Variants in LSAMP observed in about 807,000 individuals in gnomAD.
The protein encoded by LSAMP is limbic system associated membrane protein, also known as limbic system-associated membrane protein.
LSAMP carries 7 observed loss-of-function variants against 38.6 expected under a neutral mutation model. That is an observed-to-expected ratio of 0.18 (90% CI 0.10 to 0.34). The LOEUF is 0.34. Among genes scored for constraint, LSAMP ranks in the 10% least tolerant of loss-of-function variants. The pLI is 1.00. For synonymous variants in LSAMP, 154 were observed against 166.8 expected, an observed-to-expected ratio of 0.92 and a Z score of 0.59; for missense variants, 313 against 420.0, an observed-to-expected ratio of 0.75 and a Z score of 2.23.
chr3:116,376,358 A>G (rs1310802451), intron 1 of LSAMP, among the ~76,000 whole-genome samples: 1 of 152,044 alleles, frequency 6.6e-6, no homozygotes, highest in African/African-American at 2.4e-5. Context: ...CCTTCTTATT[A>G]CAATAACAAA....
chr3:115,955,223 C>A (rs1337996769), intron 3 of LSAMP, among the ~76,000 whole-genome samples: 1 of 152,252 alleles, frequency 6.6e-6, no homozygotes, highest in East Asian at 1.9e-4. Flanking sequence ...CGTGAGCCAC[C>A]GCGCCTGGCC....
Position 116,047,811 on chromosome 3 carries a change from G to A in LSAMP, c.389-28171C>T, listed in dbSNP as rs115767996. Among the ~76,000 whole-genome samples, 60 of 152,154 alleles carry A rather than the reference G, an allele frequency of 3.9e-4. 1 individual carries two copies. Among genetic ancestry groups the A allele is most frequent in the Non-Finnish European group, 6.5e-4 (44 of 68,002 alleles). ...ATGTATCATGTACAATGGATGTTTC[G>A]AAGTATATGTACATTGTCAAATAGT... On this transcript the variant is annotated intron_variant, in intron 2 of 6. Transcript: ENST00000490035.
chr3:116,315,456 G>GA (rs531687610), intron 1 of LSAMP, among the ~76,000 whole-genome samples: 2 of 149,970 alleles, frequency 1.3e-5, no homozygotes, highest in African/African-American at 4.9e-5. Context: ...GAGTTAAATG[G>GA]AAAAAAAAAG....
intron 1 of LSAMP, among the ~76,000 whole-genome samples, chr3:116,437,003 ATATGTG>A (rs2049360262): frequency 6.7e-6 from 1 of 149,080 alleles, no homozygotes; most frequent in South Asian, 2.1e-4. Flanking sequence ...GCATATATAT[ATATGTG>A]TATATATATG....
At chr3:115,944,832 C>T (rs1212882885) in intron 3 of LSAMP, among the ~76,000 whole-genome samples, 2 of 152,150 alleles carry the variant, frequency 1.3e-5, no homozygotes, top group Non-Finnish European at 2.9e-5. Context: ...GGTATAGCGC[C>T]TCTCTCCAGT....
chr3:116,040,191 T>C (rs76972266), intron 2 of LSAMP, among the ~76,000 whole-genome samples: 1 of 152,328 alleles, frequency 6.6e-6, no homozygotes, highest in African/African-American at 2.4e-5. Context: ...GGCAAAACAC[T>C]ATGATTCTGA....
chr3:115,885,153 A>G (rs1476401267), intron 3 of LSAMP, among the ~76,000 whole-genome samples: 5 of 152,034 alleles, frequency 3.3e-5, no homozygotes, highest in African/African-American at 9.7e-5. Context: ...ACAAGTACTT[A>G]AATTTAACAC....
chr3:116,125,047 T>C (rs2107493584), intron 1 of LSAMP, among the ~76,000 whole-genome samples: 1 of 152,232 alleles, frequency 6.6e-6, no homozygotes, highest in East Asian at 1.9e-4. Flanking sequence ...GTTCTTTATT[T>C]CCCAGGGACC....
chr3:116,165,021 A>G (rs1710015575), intron 1 of LSAMP, among the ~76,000 whole-genome samples: 1 of 152,150 alleles, frequency 6.6e-6, no homozygotes, highest in South Asian at 2.1e-4. Context: ...CAAAGACTCC[A>G]AGATACTTGA....
intron 6 of LSAMP, among the ~76,000 whole-genome samples, chr3:115,840,019 C>T (rs1934944947): frequency 6.6e-6 from 1 of 152,138 alleles, no homozygotes; most frequent in African/African-American, 2.4e-5. Context: ...TGCCTTTGAC[C>T]AACTCTATGC....
chr3:116,438,415 T>C (rs1446715160), intron 1 of LSAMP, among the ~76,000 whole-genome samples: 10 of 152,312 alleles, frequency 6.6e-5, no homozygotes, highest in African/African-American at 1.9e-4. Flanking sequence ...AATTACAGTA[T>C]TTCATGCTAT....
chr3:116,023,786 T>C (rs1231244769), intron 2 of LSAMP, among the ~76,000 whole-genome samples: 1 of 152,174 alleles, frequency 6.6e-6, no homozygotes, highest in Admixed American at 6.5e-5. Context: ...TACGGTTTAA[T>C]AGGTCATTCA....
chr3:116,288,604 G>A (rs1283418965), intron 1 of LSAMP, among the ~76,000 whole-genome samples: 2 of 152,160 alleles, frequency 1.3e-5, no homozygotes, highest in South Asian at 2.1e-4. Context: ...AAAGTCAGAA[G>A]GTTTCCTGTG....
intron 1 of LSAMP, among the ~76,000 whole-genome samples, chr3:116,284,088 CAGG>C (rs2047163741): frequency 6.6e-6 from 1 of 152,068 alleles, no homozygotes; most frequent in African/African-American, 2.4e-5. Context: ...AATATGTGGT[CAGG>C]AGGAGAAGAC....
intron 2 of LSAMP, among the ~76,000 whole-genome samples, chr3:116,025,243 C>A (rs1559925000): frequency 6.6e-6 from 1 of 151,970 alleles, no homozygotes; most frequent in Non-Finnish European, 1.5e-5. Flanking sequence ...TGCCATGAAC[C>A]ATTTATTCAA....
At chr3:116,424,143 C>G (rs1251165796) in intron 1 of LSAMP, among the ~76,000 whole-genome samples, 3 of 152,204 alleles carry the variant, frequency 2.0e-5, no homozygotes, top group Non-Finnish European at 4.4e-5. Context: ...TTTATTTCCA[C>G]TGTGTGTAGT....
chr3:115,810,014 G>A lies in LSAMP; in HGVS notation c.*303C>T, dbSNP rs1166728697. On this transcript the variant is annotated 3_prime_UTR_variant, in exon 7 of 7. Transcript: ENST00000490035. ...TCTCTTATTTTTACAGCATCCAGATGTCCTTAGTGTGGTGTAGTCTTTACA... is the reference window on the plus strand; with the variant it reads ...TCTCTTATTTTTACAGCATCCAGATATCCTTAGTGTGGTGTAGTCTTTACA... 4.2e-6 allele frequency: 1 copy of A among 237,706 alleles called. No homozygotes were observed. The highest frequency in any genetic ancestry group is 2.3e-5 in the African/African-American group (1 of 43,578). 14.7% of individuals were successfully genotyped at this position (237,706 alleles called of 1,614,324 possible).
At chr3:116,292,740 C>T (rs1020018665) in intron 1 of LSAMP, among the ~76,000 whole-genome samples, 35 of 152,184 alleles carry the variant, frequency 2.3e-4, no homozygotes, top group African/African-American at 8.2e-4. Flanking sequence ...GGTTCCCAGC[C>T]TCATTTGCCA....
chr3:116,014,678 C>A (rs921546740), intron 3 of LSAMP, among the ~76,000 whole-genome samples: 4 of 152,022 alleles, frequency 2.6e-5, no homozygotes, highest in African/African-American at 9.7e-5. Context: ...CAAGAAAGCC[C>A]CAGAGAAATA....
Sources: allele counts gnomAD v4.1 joint callset (sites outside exome capture counted in the v4.1 genomes callset), GRCh38; gene constraint gnomAD v4.1.1; transcripts MANE v1.5; gene names NCBI Gene and HGNC (gene_info 2026-07-23, HGNC 2026-07-21).